The following SEZ6L variants were observed in gnomAD, a reference collection of about 807,000 sequenced individuals.
SEZ6L encodes the protein seizure 6-like protein.
Under a neutral mutation model 106.2 loss-of-function variants are expected in SEZ6L, and 37 were observed. The ratio of observed to expected loss-of-function variants is 0.35; its 90% CI spans 0.27 to 0.46. SEZ6L has a LOEUF of 0.46. SEZ6L is among the 20% of genes least tolerant of loss of function. The pLI is 1.00. For missense variants in SEZ6L, 1,172 were observed against 1,332.8 expected (o/e 0.88, Z 1.88); for synonymous variants, 541 against 570.4 (o/e 0.95, Z 0.73).
intron 1 of SEZ6L, among the ~76,000 whole-genome samples, chr22:26,211,532 C>T (rs1369679685): frequency 6.6e-6 from 1 of 152,122 alleles, no homozygotes; most frequent in East Asian, 1.9e-4. Flanking sequence ...CTCTACAGAG[C>T]GTTAGGCTCA....
Position 26,291,290 on chromosome 22 carries a change from G to T in SEZ6L, c.95-1116G>T, listed in dbSNP as rs146429058. Among the ~76,000 whole-genome samples the T allele has an allele frequency of 2.0e-3, 302 of 152,280 alleles. 2 individuals carry two copies. Among genetic ancestry groups the T allele is most frequent in the Non-Finnish European group, 3.6e-3 (244 of 68,034 alleles). ...GACAAACAAAATCATGTCCTTTGCA[G>T]GGACATAGATGGAGCTGGAAGACAT... On this transcript the variant is annotated intron_variant, in intron 1 of 16. Coordinates refer to ENST00000248933, the MANE Select transcript of SEZ6L (RefSeq NM_021115.5).
intron 5 of SEZ6L, among the ~76,000 whole-genome samples, chr22:26,303,625 T>C (rs978632108): frequency 3.3e-5 from 5 of 152,192 alleles, no homozygotes; most frequent in Non-Finnish European, 5.9e-5. Flanking sequence ...TTGAACTTCT[T>C]TTTTCCTCTT....
chr22:26,338,394 C>CTTTTG (rs1213493007), intron 9 of SEZ6L, among the ~76,000 whole-genome samples: 26 of 152,172 alleles, frequency 1.7e-4, no homozygotes, highest in Middle Eastern at 3.4e-3. Flanking sequence ...TCATTGTTTT[C>CTTTTG]TTTTGTTTTG....
intron 1 of SEZ6L, among the ~76,000 whole-genome samples, chr22:26,253,475 A>G (rs1358722087): frequency 6.6e-6 from 1 of 152,034 alleles, no homozygotes; most frequent in Non-Finnish European, 1.5e-5. Flanking sequence ...GTTTTCACCT[A>G]TTTGCATTAA....
intron 3 of SEZ6L, among the ~76,000 whole-genome samples, chr22:26,295,502 G>A (rs186663307): frequency 4.1e-4 from 63 of 152,320 alleles, no homozygotes; most frequent in Middle Eastern, 3.4e-3. Context: ...AGTAGAACCT[G>A]TAGTCTTTGC....
At chr22:26,291,985 A>AAGGG (rs2081125241) in intron 1 of SEZ6L, among the ~76,000 whole-genome samples, 3 of 34,510 alleles carry the variant, frequency 8.7e-5, no homozygotes, top group African/African-American at 3.3e-4. Flanking sequence ...AAAAGGAAGG[A>AAGGG]AGGAAGGAAG....
At chr22:26,343,684 C>T (rs2082916885) in intron 10 of SEZ6L, among the ~76,000 whole-genome samples, 2 of 152,066 alleles carry the variant, frequency 1.3e-5, no homozygotes, top group Admixed American at 6.6e-5. Flanking sequence ...TAGACAATAC[C>T]AGGATCACAA....
chr22:26,295,716 T>C (rs550786305), intron 3 of SEZ6L, among the ~76,000 whole-genome samples: 1 of 152,302 alleles, frequency 6.6e-6, no homozygotes, highest in Admixed American at 6.5e-5. Flanking sequence ...AGTTCATTCA[T>C]TGAGCAATTA....
At chr22:26,304,381 A>AAAG (rs1401332442) in intron 5 of SEZ6L, among the ~76,000 whole-genome samples, 16 of 97,948 alleles carry the variant, frequency 1.6e-4, no homozygotes, top group Middle Eastern at 9.9e-3. Context: ...AGAAAGAAAG[A>AAAG]AAGAAAGAAA....
intron 1 of SEZ6L, among the ~76,000 whole-genome samples, chr22:26,199,142 G>T (rs192580081): frequency 2.0e-5 from 3 of 152,168 alleles, no homozygotes; most frequent in Non-Finnish European, 2.9e-5. Context: ...GAAAAGGATG[G>T]TCCAAATCAC....
At chr22:26,270,246 A>C in intron 1 of SEZ6L, among the ~76,000 whole-genome samples, 1 of 152,158 alleles carries the variant, frequency 6.6e-6, no homozygotes, top group East Asian at 1.9e-4. Context: ...ATTATTATGG[A>C]GATATTATTG....
chr22:26,247,199 C>T (rs191348471), intron 1 of SEZ6L, among the ~76,000 whole-genome samples: 3 of 152,138 alleles, frequency 2.0e-5, no homozygotes, highest in East Asian at 3.9e-4. Flanking sequence ...AGGTAGGTCC[C>T]AATGATGTTA....
chr22:26,181,578 A>T (rs1363707397), intron 1 of SEZ6L, among the ~76,000 whole-genome samples: 3 of 152,188 alleles, frequency 2.0e-5, no homozygotes, highest in Admixed American at 6.5e-5. Flanking sequence ...GTGGCTTTTA[A>T]AGAAAGCCTC....
At chr22:26,184,434 C>T (rs1171120011) in intron 1 of SEZ6L, among the ~76,000 whole-genome samples, 1 of 152,148 alleles carries the variant, frequency 6.6e-6, no homozygotes, top group Non-Finnish European at 1.5e-5. Flanking sequence ...CTGCTCTAGT[C>T]TTAGTATTTG....
intron 1 of SEZ6L, among the ~76,000 whole-genome samples, chr22:26,259,285 C>G (rs1373637479): frequency 1.3e-5 from 2 of 152,194 alleles, no homozygotes; most frequent in Non-Finnish European, 1.5e-5. Context: ...GTTGATATCT[C>G]TCTCTATCCT....
chr22:26,271,162 T>A (rs755070659), intron 1 of SEZ6L, among the ~76,000 whole-genome samples: 28 of 152,322 alleles, frequency 1.8e-4, no homozygotes, highest in Non-Finnish European at 3.1e-4. Context: ...CCTTGAAGGA[T>A]AGGAACTATA....
intron 1 of SEZ6L, among the ~76,000 whole-genome samples, chr22:26,273,594 G>A (rs1311204780): frequency 2.6e-5 from 4 of 152,242 alleles, no homozygotes; most frequent in Non-Finnish European, 5.9e-5. Flanking sequence ...AAGAATGGAG[G>A]AGCCTGGGGC....
chr22:26,187,711 G>A (rs1318338692), intron 1 of SEZ6L, among the ~76,000 whole-genome samples: 2 of 152,026 alleles, frequency 1.3e-5, no homozygotes, highest in Non-Finnish European at 2.9e-5. Flanking sequence ...ACCCCTCCCC[G>A]CCTCCCAAAC....
chr22:26,331,959 C>T lies in SEZ6L; in HGVS notation c.2016-8477C>T, dbSNP rs372477536. 3.4e-3 allele frequency among the ~76,000 whole-genome samples: 514 copies of T among 151,748 alleles called. 8 individuals carry two copies. The highest frequency in any genetic ancestry group is 0.011 in the African/African-American group (461 of 41,380). ...GAGATCGTGCCACTGCACTCCAGCCCGGGCAACAGAGCAAGACTGTGTCTC... is the reference window on the plus strand; with the variant it reads ...GAGATCGTGCCACTGCACTCCAGCCTGGGCAACAGAGCAAGACTGTGTCTC... On this transcript the variant is annotated intron_variant, in intron 9 of 16. Transcript: ENST00000248933.
Sources: gnomAD v4.1 joint callset for allele counts (sites outside exome capture counted in the v4.1 genomes callset) on GRCh38, gnomAD v4.1.1 for gene constraint, MANE v1.5 for transcripts, NCBI Gene and HGNC (gene_info 2026-07-23, HGNC 2026-07-21) for gene names.